MTF2: variants seen among roughly 807,000 people sequenced by gnomAD.
MTF2 encodes metal response element binding transcription factor 2.
MTF2 carries 11 observed loss-of-function variants against 79.5 expected under a neutral mutation model. The ratio of observed to expected loss-of-function variants is 0.14; its 90% CI spans 0.09 to 0.23. The LOEUF (loss-of-function observed/expected upper bound fraction) is 0.23, where lower values mean the gene tolerates loss of function less well. Ranked by LOEUF, MTF2 falls within the 10% of genes least tolerant of loss-of-function variation. The pLI is 1.00. For synonymous variants in MTF2, 208 were observed against 232.8 expected (o/e 0.89, Z 0.97); for missense variants, 486 against 711.2 (o/e 0.68, Z 3.60).
At chr1:93,085,521 C>T (rs1245192321) in intron 1 of MTF2, among the ~76,000 whole-genome samples, 1 of 126,516 alleles carries the variant, frequency 7.9e-6, no homozygotes, top group Non-Finnish European at 1.6e-5. Flanking sequence ...CAGGGTCTCT[C>T]TGTTGCCCAG....
chr1:93,126,481 C>CT (rs11354863), intron 9 of MTF2, among the ~76,000 whole-genome samples: 13 of 147,968 alleles, frequency 8.8e-5, no homozygotes, highest in African/African-American at 3.2e-4. Flanking sequence ...TTGGAAGCAG[C>CT]TTTTTTTTTT....
chr1:93,127,378 G>A lies in MTF2; in HGVS notation c.989+79G>A. ...GGAATAATGGCATTGTTTAAGAATTGTGGGATTGATGTACAGAAGAAGTCT... is the reference window on the plus strand; with the variant it reads ...GGAATAATGGCATTGTTTAAGAATTATGGGATTGATGTACAGAAGAAGTCT... On this transcript the variant is annotated intron_variant, in intron 10 of 14. Coordinates refer to ENST00000370298, the MANE Select transcript of MTF2 (RefSeq NM_007358.4). 2 of 938,800 alleles carry A rather than the reference G, an allele frequency of 2.1e-6. 1 individual carries two copies. The highest frequency in any genetic ancestry group is 2.8e-5 in the South Asian group (2 of 72,012). 58.2% of individuals were successfully genotyped at this position (938,800 alleles called of 1,614,324 possible).
chr1:93,114,080 G>T (rs1221377389), intron 3 of MTF2, among the ~76,000 whole-genome samples: 1 of 149,982 alleles, frequency 6.7e-6, no homozygotes, highest in Non-Finnish European at 1.5e-5. Flanking sequence ...TAATAATTTT[G>T]GGACCCCCAA....
At chr1:93,110,162 A>C in intron 1 of MTF2, 68 bp from the exon 2 acceptor site, 3 of 1,410,896 alleles carry the variant, frequency 2.1e-6, no homozygotes, top group South Asian at 2.5e-5. Context: ...TAACATATAA[A>C]ATATCCCACT....
At position 93,099,140 on chromosome 1, in the gene MTF2, C is replaced by T. The variant is rs561106035; in HGVS notation, c.6-11090C>T. Among the ~76,000 whole-genome samples, 7 of 152,230 alleles carry T rather than the reference C, an allele frequency of 4.6e-5. No homozygotes were observed. The East Asian group carries it at 1.4e-3, about 29-fold the overall frequency. On this transcript the variant is annotated intron_variant, in intron 1 of 14. Coordinates refer to ENST00000370298, the MANE Select transcript of MTF2 (RefSeq NM_007358.4). ...GCAGAGTTTATCAGTCTAAGCGTTG[C>T]CTCCCTACCTGATCACACTAAGGCA...
intron 1 of MTF2, among the ~76,000 whole-genome samples, chr1:93,101,366 C>CTTTTTTTT (rs71586777): frequency 9.2e-6 from 1 of 108,608 alleles, no homozygotes; most frequent in South Asian, 2.9e-4. Flanking sequence ...CTATCTTAAC[C>CTTTTTTTT]TTTTTTTTTT....
chr1:93,116,097 G>A (rs1656237614), intron 6 of MTF2, among the ~76,000 whole-genome samples: 1 of 152,124 alleles, frequency 6.6e-6, no homozygotes, highest in Non-Finnish European at 1.5e-5. Context: ...AAGTGATAGG[G>A]CACAGATTGT....
chr1:93,132,857 T>C (rs1656973175), intron 11 of MTF2, among the ~76,000 whole-genome samples: 1 of 152,172 alleles, frequency 6.6e-6, no homozygotes, highest in Non-Finnish European at 1.5e-5. Flanking sequence ...GTATACACAT[T>C]TGTCACTTTC....
intron 1 of MTF2, among the ~76,000 whole-genome samples, chr1:93,103,178 C>G (rs1655619820): frequency 6.6e-6 from 1 of 150,986 alleles, no homozygotes; most frequent in African/African-American, 2.4e-5. Flanking sequence ...CTTGATGGTT[C>G]ATTATACTTG....
At chr1:93,090,137 C>T (rs1394209096) in intron 1 of MTF2, among the ~76,000 whole-genome samples, 4 of 151,994 alleles carry the variant, frequency 2.6e-5, no homozygotes, top group Non-Finnish European at 2.9e-5. Flanking sequence ...CCATCACGCC[C>T]GGCTAATTTT....
At chr1:93,104,094 AC>A (rs1226762824) in intron 1 of MTF2, among the ~76,000 whole-genome samples, 1 of 145,208 alleles carries the variant, frequency 6.9e-6, no homozygotes, top group Non-Finnish European at 1.5e-5. Flanking sequence ...GTATGCCACT[AC>A]ACCCAGCTTT....
chr1:93,128,658 G>A (rs1461119093), intron 10 of MTF2: 1 of 151,662 alleles, frequency 6.6e-6, no homozygotes, highest in Admixed American at 6.6e-5. Flanking sequence ...GGTAGATGGA[G>A]TTGCTTGGGA....
At chr1:93,105,286 C>G (rs1442421051) in intron 1 of MTF2, among the ~76,000 whole-genome samples, 1 of 151,988 alleles carries the variant, frequency 6.6e-6, no homozygotes, top group Non-Finnish European at 1.5e-5. Context: ...CCGAGGTTTG[C>G]TTGCAAATGG....
At chr1:93,089,927 C>G (rs1571216571) in intron 1 of MTF2, among the ~76,000 whole-genome samples, 2 of 151,868 alleles carry the variant, frequency 1.3e-5, no homozygotes, top group East Asian at 3.9e-4. Context: ...TCACTGCAAC[C>G]TCAGCTTCCA....
intron 1 of MTF2, among the ~76,000 whole-genome samples, chr1:93,105,811 G>T (rs1288877628): frequency 1.3e-5 from 2 of 152,064 alleles, no homozygotes; most frequent in Non-Finnish European, 2.9e-5. Flanking sequence ...GAGTAGCTGG[G>T]ATTACAGGTG....
intron 11 of MTF2, 114 bp downstream of exon 11, chr1:93,129,562 T>G (rs539080370): frequency 1.1e-5 from 8 of 721,968 alleles, no homozygotes; most frequent in African/African-American, 1.9e-5. Context: ...ACTCTGATTT[T>G]TTTTTTTTTT....
rs1656841167 is a variant in MTF2 at position 93,129,677 on chromosome 1, A to AT, written c.1160+233dup. ...GGCCTTCCAGAAATAGACTCTATTG[A>AT]TTTTGTTAGCAAACAGCTTAAGAGT... On this transcript the variant is annotated intron_variant, in intron 11 of 14. Coordinates refer to ENST00000370298, the MANE Select transcript of MTF2 (RefSeq NM_007358.4). Among the ~76,000 whole-genome samples, 5 of 149,106 alleles carry AT rather than the reference A, an allele frequency of 3.4e-5. No individual in the cohort carries two copies. In the South Asian group the frequency reaches 1.1e-3, roughly 31 times the overall value.
intron 3 of MTF2, among the ~76,000 whole-genome samples, chr1:93,112,068 G>A (rs142122065): frequency 4.5e-4 from 68 of 152,268 alleles, no homozygotes; most frequent in African/African-American, 1.5e-3. Context: ...AAGTTGTTGT[G>A]TGAGGGGTTC....
At chr1:93,135,011 C>A (rs1223501648) in intron 14 of MTF2, among the ~76,000 whole-genome samples, 2 of 151,998 alleles carry the variant, frequency 1.3e-5, no homozygotes, top group African/African-American at 4.8e-5. Flanking sequence ...GCTCTGTCAC[C>A]CAGGCTGGAG....
Sources: allele counts gnomAD v4.1 joint callset (sites outside exome capture counted in the v4.1 genomes callset), GRCh38; gene constraint gnomAD v4.1.1; transcripts MANE v1.5; gene names NCBI Gene and HGNC (gene_info 2026-07-23, HGNC 2026-07-21).